Variants in LAMA5 observed in about 807,000 individuals in gnomAD.
LAMA5 encodes the protein laminin subunit alpha-5.
In LAMA5, 260 loss-of-function variants were observed where a neutral mutation model predicts 433.4. That is an observed-to-expected ratio of 0.60 (90% CI 0.54 to 0.66). LAMA5 has a LOEUF of 0.66. Among genes scored for constraint, LAMA5 ranks in the 30% least tolerant of loss-of-function variants. LAMA5 has a pLI of 0.00. For synonymous variants in LAMA5, 2,620 were observed against 2,226.6 expected (o/e 1.18, Z -4.97); for missense variants, 5,378 against 5,258.5 (o/e 1.02, Z -0.70).
intron 67 of LAMA5, 43 bp from the exon 68 acceptor site, chr20:62,312,575 C>A (rs1402016236): frequency 2.3e-5 from 36 of 1,598,522 alleles, no homozygotes; most frequent in Non-Finnish European, 3.1e-5. Flanking sequence ...CACCTCCAAG[C>A]CCAGCCTACC....
At chr20:62,337,540 A>G (rs979478698) in intron 16 of LAMA5, 50 bp downstream of exon 16, 1 of 1,559,700 alleles carries the variant, frequency 6.4e-7, no homozygotes, top group South Asian at 1.2e-5. Context: ...AACAGCACAG[A>G]CCCACACACA....
intron 39 of LAMA5, 27 bp from the exon 40 acceptor site, chr20:62,326,787 G>T: frequency 6.2e-7 from 1 of 1,610,510 alleles, no homozygotes; most frequent in South Asian, 1.1e-5. Flanking sequence ...GGAGGTGAGG[G>T]TTGGCACGGG....
At chr20:62,315,257 G>A in intron 58 of LAMA5, 50 bp from the exon 59 acceptor site, 3 of 1,490,196 alleles carry the variant, frequency 2.0e-6, no homozygotes, top group South Asian at 1.3e-5. Context: ...GGACCATCCT[G>A]GCTTCATGTC....
chr20:62,339,366 C>A (rs1368560107), intron 11 of LAMA5, among the ~76,000 whole-genome samples: 1 of 151,248 alleles, frequency 6.6e-6, no homozygotes, highest in African/African-American at 2.4e-5. Context: ...GCCTCCCCAG[C>A]AGCTGGGACT....
chr20:62,329,209 G>A lies in LAMA5; in HGVS notation c.4164C>T (p.Tyr1388=). 6.2e-7 allele frequency: 1 copy of A among 1,612,862 alleles called. No homozygotes were observed. Among genetic ancestry groups the A allele is most frequent in the Non-Finnish European group, 8.5e-7 (1 of 1,179,918 alleles). Residue 1388 remains tyrosine, a synonymous_variant, in exon 33 of 80, where the codon TAC becomes TAT. Coordinates refer to ENST00000252999, the MANE Select transcript of LAMA5 (RefSeq NM_005560.6). ...ATTTATCCAGGGGCTCCTCCCGGAG[G>A]TAGCCAAAGCTGTAGACGTTCTCAG... ...VVPENVYSFG[Y]LREEPLDKSY...
At chr20:62,329,364 AGC>A in intron 32 of LAMA5, 111 bp from the exon 33 acceptor site, 7 of 712,894 alleles carry the variant, frequency 9.8e-6, no homozygotes, top group Non-Finnish European at 1.3e-5. Flanking sequence ...TCCTGGCAGC[AGC>A]AGCCCAGCCC....
intron 11 of LAMA5, among the ~76,000 whole-genome samples, chr20:62,341,826 C>CAAAAAAAAAAAA (rs11466846): frequency 1.6e-5 from 2 of 128,154 alleles, no homozygotes; most frequent in African/African-American, 7.5e-5. Flanking sequence ...TCTGATCAAC[C>CAAAAAAAAAAAA]AAAAAAAAAA....
chr20:62,320,731 C>T lies in LAMA5; in HGVS notation c.6648+8G>A, dbSNP rs369318027. On this transcript the variant is annotated splice_region_variant and intron_variant, in intron 49 of 79. Coordinates refer to ENST00000252999, the MANE Select transcript of LAMA5 (RefSeq NM_005560.6). ...GGGTTGGGGAGGGAAGGCCAGGACG[C>T]TCAGTACCTGCAGGTCAGCGATGGA... 1.2e-4 allele frequency: 189 copies of T among 1,612,582 alleles called. No individual in the cohort carries two copies. The highest frequency in any genetic ancestry group is 1.2e-3 in the Middle Eastern group (7 of 6,056).
chr20:62,364,221 G>C (rs1392955473), intron 1 of LAMA5, among the ~76,000 whole-genome samples: 2 of 152,208 alleles, frequency 1.3e-5, no homozygotes, highest in Non-Finnish European at 2.9e-5. Flanking sequence ...AGAGCTCAAT[G>C]ACAGCACGGC....
In LAMA5 at chr20:62,330,394, C is replaced by T. The variant is rs756200310; in HGVS notation, c.3979+94G>A. On this transcript the variant is annotated intron_variant, in intron 31 of 79. Coordinates refer to ENST00000252999, the MANE Select transcript of LAMA5 (RefSeq NM_005560.6). ...GGCAGGACAGAGTCATGTTGCCTGT[C>T]GCTCATAGCAGGTAGCACAGGCCAC... The T allele has an allele frequency of 3.2e-5, 45 of 1,411,604 alleles. No individual in the cohort carries two copies. In the East Asian group the frequency reaches 4.1e-4, roughly 13 times the overall value. The allele number at this position is 1,411,604 out of a possible 1,614,324, so 87.4% of individuals were successfully genotyped here. A position where few individuals can be genotyped will look rare whatever the true frequency, so the allele number is the denominator to read the frequency against.
Position 62,327,998 on chromosome 20 carries a change from G to T in LAMA5, c.4665C>A (p.Asn1555Lys). 1 of 1,611,910 alleles carries T rather than the reference G, an allele frequency of 6.2e-7. No individual in the cohort carries two copies. The highest frequency in any genetic ancestry group is 8.5e-7 in the Non-Finnish European group (1 of 1,179,828). Residue 1555 changes from asparagine to lysine, a missense_variant, in exon 36 of 80, where the codon AAC becomes AAA. Asn to Lys is a moderately conservative substitution (Grantham distance 94). Coordinates refer to ENST00000252999, the MANE Select transcript of LAMA5 (RefSeq NM_005560.6). ...AGGTATCACAGCGGCGCCCAGTCAC[G>T]TTGGGTCTGCACCTGTGGCAGGGGC... Reference protein sequence around the residue: ...TDSGQCKCRPNVTGRRCDTCS... With the variant: ...TDSGQCKCRPKVTGRRCDTCS...
rs1413028482 is a variant in LAMA5, at chr20:62,353,231, G to A, written c.471C>T (p.Val157=). Residue 157 remains valine, a synonymous_variant, in exon 3 of 80, where the codon GTC becomes GTT. Coordinates refer to ENST00000252999, the MANE Select transcript of LAMA5 (RefSeq NM_005560.6). The part of the protein sequence containing the change: ...DLGQVFHVAY[V]LIKFANSPRP... ...GGGGTGAGTTGGCAAACTTGATGAG[G>A]ACGTAGGCCACGTGGAAGACCTGTG... 1 of 1,595,922 alleles carries A rather than the reference G, an allele frequency of 6.3e-7. No homozygotes were observed. The highest frequency in any genetic ancestry group is 1.1e-5 in the South Asian group (1 of 88,112).
In LAMA5 at chr20:62,333,458, G is replaced by A. The variant is rs376930247; in HGVS notation, c.3045C>T (p.Ser1015=). 207 of 1,612,650 alleles carry A rather than the reference G, an allele frequency of 1.3e-4. 2 individuals carry two copies. The South Asian group carries it at 1.6e-3, about 12-fold the overall frequency. ...VLLDYVVLLP[S]AYYEAALLQL... The stretch of plus-strand genomic sequence containing the variant: ...GCAGGAGCGCCGCCTCGTAGTATGC[G>A]CTAGGCAGCAGAACCACGTAGTCCT... The change falls in exon 25 of 80, where the codon AGC becomes AGT. Residue 1015 remains serine, a synonymous_variant. Coordinates refer to ENST00000252999, the MANE Select transcript of LAMA5 (RefSeq NM_005560.6).
intron 76 of LAMA5, 35 bp from the exon 77 acceptor site, chr20:62,310,346 G>C (rs762015026): frequency 5.7e-6 from 9 of 1,575,402 alleles, no homozygotes; most frequent in Admixed American, 1.8e-5. Context: ...AAGAAAGGGG[G>C]GGCCCCTCCC....
chr20:62,321,018 C>A (rs1209595320), intron 48 of LAMA5, 128 bp from the exon 49 acceptor site: 1 of 1,026,558 alleles, frequency 9.7e-7, no homozygotes, highest in Admixed American at 2.8e-5. Context: ...CTTAGGGACA[C>A]AGGACCTGTG....
At position 62,334,392 on chromosome 20, in the gene LAMA5, C is replaced by T. The variant is rs752315591; in HGVS notation, c.2583-50G>A. On this transcript the variant is annotated intron_variant, in intron 21 of 79. Coordinates refer to ENST00000252999, the MANE Select transcript of LAMA5 (RefSeq NM_005560.6). ...GTGCAGCTTGGCCATCCTACCTAGC[C>T]CTGCACAGCGGCCCCGGGTCTCCAG... The T allele has an allele frequency of 2.5e-5, 38 of 1,540,026 alleles. No homozygotes were observed. The East Asian group carries it at 3.7e-4, about 15-fold the overall frequency.
chr20:62,339,918 C>T (rs1327255017), intron 11 of LAMA5, among the ~76,000 whole-genome samples: 1 of 152,132 alleles, frequency 6.6e-6, no homozygotes, highest in African/African-American at 2.4e-5. Flanking sequence ...TCAGCGTGAC[C>T]AAGAGGAAAC....
At chr20:62,340,220 C>CAT (rs1982363185) in intron 11 of LAMA5, among the ~76,000 whole-genome samples, 1 of 150,044 alleles carries the variant, frequency 6.7e-6, no homozygotes, top group Non-Finnish European at 1.5e-5. Flanking sequence ...GATGGAGATA[C>CAT]ATAGGTAGAC....
Position 62,324,284 on chromosome 20 carries a change from C to A in LAMA5, c.5644-80G>T. 1 of 1,537,620 alleles carries A rather than the reference C, an allele frequency of 6.5e-7. No individual in the cohort carries two copies. Reference sequence around the variant, plus strand: ...GTCTGTGCAGCTCCCACCACCCCTGCCTCAGACTCTGTGCCCAAGGCCAGA... The same window carrying A: ...GTCTGTGCAGCTCCCACCACCCCTGACTCAGACTCTGTGCCCAAGGCCAGA... On this transcript the variant is annotated intron_variant, in intron 42 of 79. Transcript: ENST00000252999. This position sits in a 1 kb window ranked among gnomAD's most constrained non-coding sequence, Gnocchi z 4.4.
Sources: allele counts gnomAD v4.1 joint callset (sites outside exome capture counted in the v4.1 genomes callset), GRCh38; gene constraint gnomAD v4.1.1; non-coding constraint Gnocchi (gnomAD v3.1); transcripts MANE v1.5; gene names NCBI Gene and HGNC (gene_info 2026-07-23, HGNC 2026-07-21).